AGBL4: variants seen among roughly 807,000 people sequenced by gnomAD.
AGBL4 encodes AGBL carboxypeptidase 4.
AGBL4 carries 58 observed loss-of-function variants against 66.4 expected under a neutral mutation model. That is an observed-to-expected ratio of 0.87 (90% CI 0.71 to 1.09). AGBL4 has a LOEUF of 1.09. AGBL4 is among the 50% of genes least tolerant of loss of function. AGBL4 has a pLI of 0.00. For missense variants in AGBL4, 579 were observed against 631.0 expected (o/e 0.92, Z 0.88); for synonymous variants, 234 against 222.9 (o/e 1.05, Z -0.44).
At chr1:48,633,940 G>T (rs1005874250) in intron 9 of AGBL4, among the ~76,000 whole-genome samples, 2 of 152,192 alleles carry the variant, frequency 1.3e-5, no homozygotes, top group African/African-American at 2.4e-5. Flanking sequence ...CCTTGTCCTT[G>T]CATATTCTTG....
At chr1:49,465,852 C>A (rs1489304685) in intron 3 of AGBL4, among the ~76,000 whole-genome samples, 4 of 151,818 alleles carry the variant, frequency 2.6e-5, no homozygotes, top group African/African-American at 9.7e-5. Context: ...CCAAATTATA[C>A]TGAGAAGATA....
intron 6 of AGBL4, among the ~76,000 whole-genome samples, chr1:48,813,087 G>T (rs1474975281): frequency 6.6e-6 from 1 of 151,934 alleles, no homozygotes; most frequent in Non-Finnish European, 1.5e-5. Flanking sequence ...TTGTGCACAT[G>T]TACCCTAAAA....
intron 1 of AGBL4, among the ~76,000 whole-genome samples, chr1:49,928,387 A>G (rs1373056702): frequency 1.3e-5 from 2 of 152,122 alleles, no homozygotes; most frequent in African/African-American, 4.8e-5. Context: ...AGTAGCTGGG[A>G]CTACAGGTGA....
chr1:49,609,942 T>C (rs1216203581), intron 3 of AGBL4, among the ~76,000 whole-genome samples: 1 of 152,226 alleles, frequency 6.6e-6, no homozygotes, highest in Non-Finnish European at 1.5e-5. Context: ...CAACTTTCAG[T>C]TGTTTTTAGT....
At chr1:49,958,244 G>T (rs1189046493) in intron 1 of AGBL4, among the ~76,000 whole-genome samples, 3 of 151,992 alleles carry the variant, frequency 2.0e-5, no homozygotes, top group African/African-American at 7.2e-5. Flanking sequence ...TAGTCTGATG[G>T]GCTTTCCTCT....
At chr1:49,815,647 T>C (rs2147980273) in intron 2 of AGBL4, among the ~76,000 whole-genome samples, 1 of 152,082 alleles carries the variant, frequency 6.6e-6, no homozygotes, top group Non-Finnish European at 1.5e-5. Context: ...TATGAGGGGG[T>C]CCCTTTTTTC....
chr1:49,865,795 C>T (rs1387500513), intron 1 of AGBL4: 3 of 168,994 alleles, frequency 1.8e-5, no homozygotes, highest in South Asian at 1.3e-4. Flanking sequence ...AAAGATAAGA[C>T]AATGACAAAC....
chr1:49,165,705 G>A (rs542530018), intron 4 of AGBL4, among the ~76,000 whole-genome samples: 27 of 151,460 alleles, frequency 1.8e-4, no homozygotes, highest in Admixed American at 8.6e-4. Flanking sequence ...GAGGGAGGAT[G>A]GAAGGAAGGA....
chr1:48,831,388 C>A (rs1434123664), intron 6 of AGBL4, among the ~76,000 whole-genome samples: 1 of 152,244 alleles, frequency 6.6e-6, no homozygotes, highest in Middle Eastern at 3.4e-3. Context: ...TGCAAAATCC[C>A]AAGTGCTACA....
chr1:48,729,678 G>T (rs1015323215), intron 6 of AGBL4, among the ~76,000 whole-genome samples: 2 of 151,950 alleles, frequency 1.3e-5, no homozygotes, highest in African/African-American at 4.8e-5. Context: ...CCCTTCCCTG[G>T]GCACAGAGCC....
intron 1 of AGBL4, among the ~76,000 whole-genome samples, chr1:49,965,570 A>G (rs1657483888): frequency 6.6e-6 from 1 of 152,222 alleles, no homozygotes. Context: ...AGAGACAGTG[A>G]GTTTCACTTA....
At chr1:49,934,709 C>T (rs1653748301) in intron 1 of AGBL4, among the ~76,000 whole-genome samples, 1 of 151,680 alleles carries the variant, frequency 6.6e-6, no homozygotes, top group Admixed American at 6.6e-5. Flanking sequence ...TAAGAAAGAT[C>T]TTAAATGAGT....
intron 3 of AGBL4, among the ~76,000 whole-genome samples, chr1:49,562,159 GT>G (rs1468114228): frequency 6.6e-6 from 1 of 151,970 alleles, no homozygotes; most frequent in Admixed American, 6.6e-5. Flanking sequence ...GTGGTTGTTT[GT>G]TTTTTTCTTG....
At chr1:49,104,965 A>C (rs1373210027) in intron 4 of AGBL4, among the ~76,000 whole-genome samples, 3 of 152,218 alleles carry the variant, frequency 2.0e-5, no homozygotes, top group Admixed American at 6.5e-5. Context: ...AAAATGGGCT[A>C]ACAGCAATCT....
At chr1:48,639,512 A>C (rs1177139595) in intron 8 of AGBL4, among the ~76,000 whole-genome samples, 1 of 152,192 alleles carries the variant, frequency 6.6e-6, no homozygotes, top group African/African-American at 2.4e-5. Flanking sequence ...ATTCTAAAGC[A>C]TCAGTAACTG....
rs575105829 is a variant in AGBL4 at position 48,869,280 on chromosome 1, C to T, written c.595-2050G>A. On this transcript the variant is annotated intron_variant, in intron 5 of 13. Transcript: ENST00000371839. Reference sequence around the variant, plus strand: ...AGCACTGATATGAAACACCCACCCACGCATGTGGGCTAGAAGGAACGCTGG... The same window carrying T: ...AGCACTGATATGAAACACCCACCCATGCATGTGGGCTAGAAGGAACGCTGG... 3.9e-4 allele frequency among the ~76,000 whole-genome samples: 59 copies of T among 152,324 alleles called. 2 individuals are homozygous for T. In the South Asian group the frequency reaches 6.8e-3, roughly 18 times the overall value.
At chr1:49,238,936 T>C (rs563884495) in intron 4 of AGBL4, among the ~76,000 whole-genome samples, 1 of 152,284 alleles carries the variant, frequency 6.6e-6, no homozygotes, top group African/African-American at 2.4e-5. Flanking sequence ...CTAAGTAGTC[T>C]TCCCTCTTTT....
At chr1:48,802,301 T>A (rs1466370505) in intron 6 of AGBL4, among the ~76,000 whole-genome samples, 1 of 152,192 alleles carries the variant, frequency 6.6e-6, no homozygotes, top group East Asian at 1.9e-4. Flanking sequence ...TTAGCCATTA[T>A]CTCTCCCAGG....
intron 3 of AGBL4, among the ~76,000 whole-genome samples, chr1:49,450,407 G>T (rs1282724662): frequency 6.6e-6 from 1 of 152,068 alleles, no homozygotes; most frequent in South Asian, 2.1e-4. Context: ...AGCAGAGTTG[G>T]AAGAGCTCAA....
Sources: gnomAD v4.1 joint callset for allele counts (sites outside exome capture counted in the v4.1 genomes callset) on GRCh38, gnomAD v4.1.1 for gene constraint, MANE v1.5 for transcripts, NCBI Gene and HGNC (gene_info 2026-07-23, HGNC 2026-07-21) for gene names.